RBM25: variants seen among roughly 807,000 people sequenced by gnomAD.
RBM25 encodes the protein RNA binding motif protein 25.
In RBM25, 19 loss-of-function variants were observed where a neutral mutation model predicts 120.7. The ratio of observed to expected loss-of-function variants is 0.16; its 90% confidence interval spans 0.11 to 0.23. The LOEUF is 0.23. Ranked by LOEUF, RBM25 falls within the 10% of genes least tolerant of loss-of-function variation. The pLI is 1.00. For synonymous variants in RBM25, 390 were observed against 326.7 expected (o/e 1.19, Z -2.09); for missense variants, 605 against 1,041.5 (o/e 0.58, Z 5.77).
At chr14:73,114,376 A>T in intron 18 of RBM25, 43 bp downstream of exon 18, 1 of 1,469,552 alleles carries the variant, frequency 6.8e-7, no homozygotes, top group South Asian at 1.3e-5. Flanking sequence ...TAATTTAAAA[A>T]AAGTTTTTGG....
At position 73,112,255 on chromosome 14, in the gene RBM25, GTCT is replaced by G; in HGVS notation, c.2391+9_2391+11del. On this transcript the variant is annotated splice_donor_region_variant and intron_variant, in intron 17 of 18. Coordinates refer to ENST00000261973, the MANE Select transcript of RBM25 (RefSeq NM_021239.3). ...GTTGATTTTGTTTGTTCTAAGGTTA[GTCT>G]TCTATTCTCTTCCATGCCAGCATTT... 1 of 1,584,916 alleles carries G rather than the reference GTCT, an allele frequency of 6.3e-7. No homozygotes were observed. Among genetic ancestry groups the G allele is most frequent in the Non-Finnish European group, 8.5e-7 (1 of 1,171,244 alleles).
chr14:73,099,826 A>C (rs779350731), intron 9 of RBM25, 76 bp downstream of exon 9: 4 of 1,498,844 alleles, frequency 2.7e-6, no homozygotes, highest in Non-Finnish European at 3.5e-6. Context: ...AAAAAAAATC[A>C]ACCTTAAATT....
intron 7 of RBM25, 26 bp from the exon 8 acceptor site, chr14:73,099,354 A>G (rs1269601021): frequency 3.1e-6 from 5 of 1,590,258 alleles, no homozygotes; most frequent in Admixed American, 3.9e-5. Flanking sequence ...TTTTTTAAAA[A>G]AGATTCTTGG....
chr14:73,094,810 GGTGTGTGTGTGTGTGT>G (rs60336075), intron 6 of RBM25, among the ~76,000 whole-genome samples: 3 of 145,168 alleles, frequency 2.1e-5, no homozygotes, highest in African/African-American at 5.1e-5. Context: ...ACAGGAGCGA[GGTGTGTGTGTGTGTGT>G]GTGTGTGTGT....
Position 73,103,376 on chromosome 14 carries a change from G to T in RBM25, c.1052G>T (p.Arg351Leu). Reference protein sequence around the residue: ...RERERERDRDRDRTKERDRDR... With the variant: ...RERERERDRDLDRTKERDRDR... ...CGGGAACGAGAACGGGATAGGGACC[G>T]TGACCGGACAAAAGAGAGAGACCGA... The change falls in exon 10 of 19, where the codon CGT becomes CTT. Residue 351 changes from arginine (R) to leucine (L), a missense_variant. By Grantham distance (102) the Arg-to-Leu change is moderately radical. This residue lies in a region of RBM25 where 465 missense variants were observed against 741.6 expected (regional missense o/e 0.63). Coordinates refer to ENST00000261973, the MANE Select transcript of RBM25 (RefSeq NM_021239.3). The T allele has an allele frequency of 6.2e-7, 1 of 1,610,882 alleles. No homozygotes were observed. Among genetic ancestry groups the T allele is most frequent in the Non-Finnish European group, 8.5e-7 (1 of 1,178,430 alleles).
At chr14:73,065,278 G>A (rs1309747405) in intron 1 of RBM25, among the ~76,000 whole-genome samples, 2 of 151,758 alleles carry the variant, frequency 1.3e-5, no homozygotes, top group Non-Finnish European at 2.9e-5. Flanking sequence ...ACAGGCACCC[G>A]CCACCACACC....
At chr14:73,109,802 A>C (rs2140461326) in intron 14 of RBM25, among the ~76,000 whole-genome samples, 1 of 152,180 alleles carries the variant, frequency 6.6e-6, no homozygotes, top group East Asian at 1.9e-4. Context: ...GGTTCAAGCG[A>C]TTCTCCTGCC....
In RBM25 at chr14:73,105,038, TACACAC is replaced by T. The variant is rs57281649; in HGVS notation, c.1155-799_1155-794del. 2.6e-3 allele frequency among the ~76,000 whole-genome samples: 361 copies of T among 141,198 alleles called. 4 individuals carry two copies. Among genetic ancestry groups the T allele is most frequent in the East Asian group, 0.013 (64 of 5,040 alleles). 92.6% of individuals were successfully genotyped at this position (141,198 alleles called of 152,430 possible). ...ACATATTTCATATATACATATTAAA[TACACAC>T]ACACACACACACACACACACAGAGT... On this transcript the variant is annotated intron_variant, in intron 10 of 18. Transcript: ENST00000261973.
chr14:73,113,719 A>T (rs1436936502), intron 17 of RBM25, among the ~76,000 whole-genome samples: 1 of 151,980 alleles, frequency 6.6e-6, no homozygotes, highest in East Asian at 1.9e-4. Flanking sequence ...AAAAAGAAAA[A>T]CTTCTTTTAA....
intron 5 of RBM25, among the ~76,000 whole-genome samples, chr14:73,085,533 C>T (rs1212932613): frequency 6.6e-6 from 1 of 150,826 alleles, no homozygotes; most frequent in Non-Finnish European, 1.5e-5. Flanking sequence ...CAACCTCCGC[C>T]TCCTGGGTTC....
intron 1 of RBM25, among the ~76,000 whole-genome samples, chr14:73,069,149 C>T (rs967752894): frequency 2.9e-4 from 44 of 152,218 alleles, no homozygotes; most frequent in Admixed American, 1.0e-3. Flanking sequence ...CGTGAGCCCC[C>T]TGCTTTGGCC....
chr14:73,111,652 C>T lies in RBM25; in HGVS notation c.2142C>T (p.Pro714=), dbSNP rs1318138150. Residue 714 remains proline, a synonymous_variant, in exon 16 of 19, where the codon CCC becomes CCT. Transcript: ENST00000261973. ...TACCCCGAAAAAGGAAACTGGTTCC[C>T]TTGGATTATGGTGAAGATGATAAAA... ...DDVPRKRKLV[P]LDYGEDDKNA... The T allele has an allele frequency of 3.7e-6, 6 of 1,613,980 alleles. No individual in the cohort carries two copies. Among genetic ancestry groups the T allele is most frequent in the Non-Finnish European group, 5.1e-6 (6 of 1,180,028 alleles).
chr14:73,097,186 T>TTTTTC (rs1344192347), intron 7 of RBM25, 86 bp downstream of exon 7: 12 of 667,114 alleles, frequency 1.8e-5, no homozygotes, highest in African/African-American at 4.5e-5. Flanking sequence ...TCAGTTTTCT[T>TTTTTC]TTTTCTTTTC....
At chr14:73,094,585 C>T (rs1012978631) in intron 6 of RBM25, among the ~76,000 whole-genome samples, 1 of 151,638 alleles carries the variant, frequency 6.6e-6, no homozygotes, top group African/African-American at 2.4e-5. Context: ...GTAGCTGGGA[C>T]CATGCCCGGC....
At position 73,071,672 on chromosome 14, in the gene RBM25, C is replaced by G. The variant is rs769862511; in HGVS notation, c.31C>G (p.Pro11Ala). 1.2e-6 allele frequency: 2 copies of G among 1,613,894 alleles called. No homozygotes were observed. The highest frequency in any genetic ancestry group is 1.7e-6 in the Non-Finnish European group (2 of 1,179,944). MSFPPHLNRP[P>A]MGIPALPPGI... ...TTTTCCACCTCATTTGAATCGCCCT[C>G]CCATGGGAATCCCAGCACTCCCACC... Residue 11 changes from proline (P) to alanine (A), a missense_variant, in exon 2 of 19, where the codon CCC (proline) becomes GCC (alanine). Coordinates refer to ENST00000261973, the MANE Select transcript of RBM25 (RefSeq NM_021239.3).
intron 2 of RBM25, among the ~76,000 whole-genome samples, chr14:73,073,596 G>T (rs905123191): frequency 6.6e-6 from 1 of 152,130 alleles, no homozygotes; most frequent in Admixed American, 6.5e-5. Flanking sequence ...GCTGAGGCAG[G>T]AGAATCGCTT....
chr14:73,110,679 G>A (rs1470828992), intron 14 of RBM25, 152 bp from the exon 15 acceptor site: 22 of 826,500 alleles, frequency 2.7e-5, no homozygotes, highest in Middle Eastern at 3.7e-4. Flanking sequence ...TCTGCCCACC[G>A]CGGCCTCCCA....
chr14:73,098,003 C>G (rs1895985184), intron 7 of RBM25, among the ~76,000 whole-genome samples: 1 of 152,176 alleles, frequency 6.6e-6, no homozygotes, highest in East Asian at 1.9e-4. Flanking sequence ...GTGGCTGACA[C>G]ATGTAGTCCC....
chr14:73,074,374 C>A (rs1895363482), intron 2 of RBM25, among the ~76,000 whole-genome samples: 1 of 152,088 alleles, frequency 6.6e-6, no homozygotes, highest in South Asian at 2.1e-4. Context: ...TGTGTGCCAC[C>A]ATGACTGACT....
Sources: allele counts gnomAD v4.1 joint callset (sites outside exome capture counted in the v4.1 genomes callset), GRCh38; gene constraint gnomAD v4.1.1; regional missense constraint gnomAD v4.1.1; transcripts MANE v1.5; gene names NCBI Gene and HGNC (gene_info 2026-07-23, HGNC 2026-07-21).